Variants in ZNF280D observed in about 807,000 individuals in gnomAD.
ZNF280D encodes suppressor of hairy wing homolog 4.
Under a neutral mutation model 94.7 loss-of-function variants are expected in ZNF280D, and 39 were observed. The observed-to-expected ratio is 0.41, with a 90% CI of 0.32 to 0.54. ZNF280D has a LOEUF of 0.54. Ranked by LOEUF, ZNF280D falls within the 20% of genes least tolerant of loss-of-function variation. The probability of loss-of-function intolerance (pLI) is 0.22; values close to 1 mark genes in which losing one functional copy is unlikely to be tolerated. For missense variants in ZNF280D, 1,090 were observed against 1,149.3 expected (o/e 0.95, Z 0.75); for synonymous variants, 398 against 377.6 (o/e 1.05, Z -0.63).
At chr15:56,682,053 T>C (rs946164283) in intron 10 of ZNF280D, among the ~76,000 whole-genome samples, 2 of 151,984 alleles carry the variant, frequency 1.3e-5, no homozygotes, top group Non-Finnish European at 2.9e-5. Flanking sequence ...GTGAAAGAAA[T>C]ATAACTAACT....
intron 1 of ZNF280D, 48 bp downstream of exon 1, chr15:56,733,410 C>A (rs1209354576): frequency 3.4e-5 from 34 of 999,188 alleles, no homozygotes; most frequent in Admixed American, 6.1e-5. Context: ...CGCGGGAGGG[C>A]CTCTGCCTGC....
chr15:56,703,446 G>GGA (rs1181539839), intron 4 of ZNF280D, among the ~76,000 whole-genome samples: 3 of 152,130 alleles, frequency 2.0e-5, no homozygotes, highest in Non-Finnish European at 2.9e-5. Context: ...GAGAAGTCCC[G>GGA]TTTGAGACTA....
At chr15:56,719,698 G>A (rs926371274) in intron 1 of ZNF280D, among the ~76,000 whole-genome samples, 14 of 151,900 alleles carry the variant, frequency 9.2e-5, no homozygotes, top group Non-Finnish European at 1.0e-4. Flanking sequence ...TGCACACCTC[G>A]GAGATATTGA....
chr15:56,653,782 G>A, intron 19 of ZNF280D: 1 of 1,259,406 alleles, frequency 7.9e-7, no homozygotes, highest in Non-Finnish European at 1.0e-6. Context: ...AAAAATTATT[G>A]TAAGCAAAGA....
intron 1 of ZNF280D, among the ~76,000 whole-genome samples, chr15:56,728,290 G>A (rs2058726174): frequency 6.6e-6 from 1 of 152,170 alleles, no homozygotes; most frequent in Middle Eastern, 3.2e-3. Context: ...AAAGTGCTGG[G>A]ATTACAGGCA....
At chr15:56,644,030 TATAA>T (rs1210928192) in intron 19 of ZNF280D, among the ~76,000 whole-genome samples, 1 of 152,054 alleles carries the variant, frequency 6.6e-6, no homozygotes, top group African/African-American at 2.4e-5. Context: ...AAATTAGGGC[TATAA>T]ATGTTTATAC....
chr15:56,652,977 T>C, intron 19 of ZNF280D: 8 of 913,502 alleles, frequency 8.8e-6, no homozygotes, highest in Non-Finnish European at 1.0e-5. Context: ...AAAATAGACA[T>C]TAATAAATTT....
chr15:56,713,048 A>G (rs969703142), intron 1 of ZNF280D, among the ~76,000 whole-genome samples: 2 of 152,164 alleles, frequency 1.3e-5, no homozygotes, highest in Non-Finnish European at 2.9e-5. Flanking sequence ...TCAAATGGTT[A>G]ACTTCTACAT....
chr15:56,665,148 G>A (rs1466858276), intron 16 of ZNF280D, among the ~76,000 whole-genome samples: 1 of 152,170 alleles, frequency 6.6e-6, no homozygotes, highest in Non-Finnish European at 1.5e-5. Context: ...GGAAAACCGA[G>A]AGAAGTGCTG....
chr15:56,725,637 CAA>C (rs1319943566), intron 1 of ZNF280D, among the ~76,000 whole-genome samples: 4 of 152,078 alleles, frequency 2.6e-5, no homozygotes, highest in Non-Finnish European at 5.9e-5. Flanking sequence ...TAGAATCCTT[CAA>C]AGAGTCTCAA....
At chr15:56,726,408 G>C (rs1325563046) in intron 1 of ZNF280D, among the ~76,000 whole-genome samples, 1 of 152,080 alleles carries the variant, frequency 6.6e-6, no homozygotes, top group Admixed American at 6.5e-5. Context: ...TTGTTTCCTA[G>C]AGATCTTTAA....
At chr15:56,724,259 G>C (rs1396048822) in intron 1 of ZNF280D, among the ~76,000 whole-genome samples, 1 of 152,100 alleles carries the variant, frequency 6.6e-6, no homozygotes, top group Non-Finnish European at 1.5e-5. Flanking sequence ...CTTCAATAAA[G>C]AGCCCCCAAA....
At chr15:56,705,806 T>C (rs1199548706) in intron 3 of ZNF280D, among the ~76,000 whole-genome samples, 1 of 152,036 alleles carries the variant, frequency 6.6e-6, no homozygotes, top group East Asian at 1.9e-4. Context: ...TAACGTCATA[T>C]AGGAATACAT....
At chr15:56,724,162 T>C (rs965530067) in intron 1 of ZNF280D, among the ~76,000 whole-genome samples, 1 of 152,204 alleles carries the variant, frequency 6.6e-6, no homozygotes, top group Non-Finnish European at 1.5e-5. Context: ...CACACCATCA[T>C]AAAGTCAAAA....
chr15:56,695,232 C>T (rs1433905608), intron 6 of ZNF280D, among the ~76,000 whole-genome samples: 1 of 151,908 alleles, frequency 6.6e-6, no homozygotes, highest in African/African-American at 2.4e-5. Context: ...GCCACCACAC[C>T]CAGGTAATTT....
intron 6 of ZNF280D, chr15:56,698,289 T>C (rs1199224631): frequency 6.6e-6 from 1 of 152,168 alleles, no homozygotes; most frequent in Non-Finnish European, 1.5e-5. Flanking sequence ...GGTGACATAG[T>C]TCATTACACA....
intron 20 of ZNF280D, chr15:56,635,746 G>T (rs2052322162): frequency 6.6e-6 from 1 of 152,080 alleles, no homozygotes; most frequent in African/African-American, 2.4e-5. Flanking sequence ...CACAAAGTAA[G>T]AAACATTCTA....
chr15:56,638,671 T>C (rs893017656), intron 20 of ZNF280D, among the ~76,000 whole-genome samples: 1 of 152,162 alleles, frequency 6.6e-6, no homozygotes, highest in African/African-American at 2.4e-5. Context: ...AAAATAGTTA[T>C]TTTTCAGAAA....
chr15:56,716,653 TG>T (rs1394762060), intron 1 of ZNF280D, among the ~76,000 whole-genome samples: 3 of 152,090 alleles, frequency 2.0e-5, no homozygotes, highest in African/African-American at 4.8e-5. Flanking sequence ...GGATTTTAAG[TG>T]GGGACTGATG....
Sources: allele counts gnomAD v4.1 joint callset (sites outside exome capture counted in the v4.1 genomes callset), GRCh38; gene constraint gnomAD v4.1.1; transcripts MANE v1.5; gene names NCBI Gene and HGNC (gene_info 2026-07-23, HGNC 2026-07-21).